The following ZNF613 variants were observed in gnomAD, a reference collection of about 807,000 sequenced individuals.
ZNF613 encodes the protein zinc finger protein 613.
A neutral mutation model predicts 14.3 loss-of-function variants in ZNF613; 8 were observed. The observed-to-expected ratio is 0.56, with a 90% CI of 0.33 to 1.01. The LOEUF is 1.01. Among genes scored for constraint, ZNF613 ranks in the 50% least tolerant of loss-of-function variants. ZNF613 has a pLI of 0.03. For synonymous variants in ZNF613, 228 were observed against 254.5 expected (o/e 0.90, Z 0.99); for missense variants, 656 against 741.9 (o/e 0.88, Z 1.35).
At position 51,945,476 on chromosome 19, in the gene ZNF613, G is replaced by C. The variant is rs750756007; in HGVS notation, c.1593G>C (p.Lys531Asn). Residue 531 changes from lysine to asparagine, a missense_variant, in exon 6 of 6, where the codon AAG (lysine) becomes AAC (asparagine). Transcript: ENST00000293471. ...FSHLSCLVYH[K>N]GMLHAREKCV... ...ACTTGTCATGCCTTGTTTATCATAAGGGAATGCTGCATGCAAGAGAGAAAT... is the reference window on the plus strand; with the variant it reads ...ACTTGTCATGCCTTGTTTATCATAACGGAATGCTGCATGCAAGAGAGAAAT... 6.2e-7 allele frequency: 1 copy of C among 1,614,192 alleles called. No homozygotes were observed. The highest frequency in any genetic ancestry group is 1.7e-5 in the Admixed American group (1 of 60,022).
At chr19:51,933,688 C>T (rs912535813) in intron 2 of ZNF613, among the ~76,000 whole-genome samples, 1 of 152,188 alleles carries the variant, frequency 6.6e-6, no homozygotes, top group Admixed American at 6.5e-5. Context: ...GAATGTTGGC[C>T]ACAATCTTTA....
intron 2 of ZNF613, among the ~76,000 whole-genome samples, chr19:51,933,581 T>C (rs1433204836): frequency 2.0e-5 from 3 of 152,066 alleles, no homozygotes; most frequent in African/African-American, 7.2e-5. Context: ...AGTGCTGGTA[T>C]TACAGGCATG....
Position 51,945,261 on chromosome 19 carries a change from G to A in ZNF613, c.1378G>A (p.Glu460Lys). Reference protein sequence around the residue: ...HTGKTPFVCTECGKSCSHKSG... With the variant: ...HTGKTPFVCTKCGKSCSHKSG... Reference sequence around the variant, plus strand: ...AGGAAAGACACCCTTTGTATGTACTGAGTGTGGAAAATCCTGCTCACACAA... The same window carrying A: ...AGGAAAGACACCCTTTGTATGTACTAAGTGTGGAAAATCCTGCTCACACAA... Residue 460 changes from glutamate to lysine, a missense_variant, in exon 6 of 6, where the codon GAG (glutamate) becomes AAG (lysine). By Grantham distance (56) the Glu-to-Lys change is moderately conservative (BLOSUM62 1). Coordinates refer to ENST00000293471, the MANE Select transcript of ZNF613 (RefSeq NM_001031721.4). 1.2e-6 allele frequency: 2 copies of A among 1,614,018 alleles called. No individual in the cohort carries two copies. The highest frequency in any genetic ancestry group is 1.7e-5 in the Admixed American group (1 of 60,016).
At chr19:51,940,068 C>T (rs1361383296) in intron 3 of ZNF613, 141 bp from the exon 4 acceptor site, 2 of 1,060,642 alleles carry the variant, frequency 1.9e-6, no homozygotes, top group African/African-American at 1.6e-5. Flanking sequence ...GCCTCTATGA[C>T]AATGTATTTT....
In ZNF613 at chr19:51,936,173, A is replaced by G. The variant is rs1015428422; in HGVS notation, c.-48A>G. The G allele has an allele frequency of 6.3e-7, 1 of 1,588,732 alleles. No individual in the cohort carries two copies. Among genetic ancestry groups the G allele is most frequent in the Admixed American group, 1.8e-5 (1 of 56,044 alleles). On this transcript the variant is annotated 5_prime_UTR_variant, in exon 3 of 6. Transcript: ENST00000293471. ...ATTGAGGGCAGCTCAAGGAGAGACT[A>G]CAGACACAGCATCCTACTTACTGGC...
chr19:51,941,264 G>A lies in ZNF613; in HGVS notation c.235+555G>A, dbSNP rs112252409. On this transcript the variant is annotated intron_variant, in intron 5 of 5. Transcript: ENST00000293471. ...TCTTTATTTAATCTAGGTTTGATTTGTTTTTCTCAAGGTTTCTTCCTTTTT... is the reference window on the plus strand; with the variant it reads ...TCTTTATTTAATCTAGGTTTGATTTATTTTTCTCAAGGTTTCTTCCTTTTT... Among the ~76,000 whole-genome samples the A allele has an allele frequency of 3.9e-3, 599 of 152,218 alleles. 5 individuals carry two copies. Among genetic ancestry groups the A allele is most frequent in the Middle Eastern group, 0.014 (4 of 294 alleles).
Position 51,940,457 on chromosome 19 carries a change from G to C in ZNF613, c.142+122G>C. The C allele has an allele frequency of 5.1e-6, 8 of 1,556,590 alleles. No individual in the cohort carries two copies. In the South Asian group the frequency reaches 8.1e-5, roughly 16 times the overall value. The stretch of plus-strand genomic sequence containing the variant: ...AGTGGTAGATTCTGTACCCTCTCTG[G>C]CCCCAGATAAAAGAGTGTAATGTGC... On this transcript the variant is annotated intron_variant, in intron 4 of 5. Coordinates refer to ENST00000293471, the MANE Select transcript of ZNF613 (RefSeq NM_001031721.4).
chr19:51,945,603 C>T lies in ZNF613; in HGVS notation c.1720C>T (p.Leu574=), dbSNP rs1484671003. Residue 574 remains leucine (L), a synonymous_variant, in exon 6 of 6, where the codon CTG becomes TTG. Transcript: ENST00000293471. The part of the protein sequence containing the change: ...QDKDSVNMVT[L]QMPSVAAQTS... Reference sequence around the variant, plus strand: ...TAAAGACTCTGTTAACATGGTGACTCTGCAGATGCCTTCTGTGGCAGCTCA... The same window carrying T: ...TAAAGACTCTGTTAACATGGTGACTTTGCAGATGCCTTCTGTGGCAGCTCA... 8.1e-6 allele frequency: 13 copies of T among 1,614,064 alleles called. No individual in the cohort carries two copies. The highest frequency in any genetic ancestry group is 1.1e-5 in the Non-Finnish European group (13 of 1,180,024).
Position 51,945,096 on chromosome 19 carries a change from T to A in ZNF613, c.1213T>A (p.Cys405Ser), listed in dbSNP as rs1278736585. The A allele has an allele frequency of 6.2e-7, 1 of 1,614,072 alleles. No homozygotes were observed. Among genetic ancestry groups the A allele is most frequent in the African/African-American group, 1.3e-5 (1 of 74,930 alleles). Residue 405 changes from cysteine (C) to serine (S), a missense_variant, in exon 6 of 6, where the codon TGT becomes AGT. Physicochemically the swap from Cys to Ser is moderately radical, Grantham distance 112. Transcript: ENST00000293471. ...AGAAAAACCCTATATATGCAATGAA[T>A]GTGGAAAAGGCTTCATCCAAAAGGG... ...TGEKPYICNE[C>S]GKGFIQKGNL...
rs2085374318 is a variant in ZNF613, at chr19:51,944,311, T to A, written c.428T>A (p.Val143Asp). The stretch of plus-strand genomic sequence containing the variant: ...ATACTGAAATCAAATTTAAGTTTAG[T>A]CAACCAGAACAAAAGGTATGAAATC... Reference protein sequence around the residue: ...GKILKSNLSLVNQNKRYEIKN... With the variant: ...GKILKSNLSLDNQNKRYEIKN... The change falls in exon 6 of 6, where the codon GTC becomes GAC. Residue 143 changes from valine to aspartate, a missense_variant. Coordinates refer to ENST00000293471, the MANE Select transcript of ZNF613 (RefSeq NM_001031721.4). 6.3e-7 allele frequency: 1 copy of A among 1,594,994 alleles called. No individual in the cohort carries two copies. Among genetic ancestry groups the A allele is most frequent in the African/African-American group, 1.3e-5 (1 of 74,490 alleles).
rs559132505 is a variant in ZNF613, at chr19:51,931,263, G to A, written c.-194+1367G>A. On this transcript the variant is annotated intron_variant, in intron 2 of 5. Transcript: ENST00000293471. ...GGTTCTAGTAATATCTCAAATGGAA[G>A]TATTCAATGCAAAGTGTTATTTCCA... Among the ~76,000 whole-genome samples, 12 of 152,282 alleles carry A rather than the reference G, an allele frequency of 7.9e-5. No individual in the cohort carries two copies. The South Asian group carries it at 2.5e-3, about 32-fold the overall frequency.
chr19:51,945,694 C>T lies in ZNF613; in HGVS notation c.1811C>T (p.Ala604Val), dbSNP rs1009319827. The T allele has an allele frequency of 3.1e-6, 5 of 1,613,974 alleles. No homozygotes were observed. In the African/African-American group the frequency reaches 4.0e-5, roughly 13 times the overall value. Residue 604 changes from alanine (A) to valine (V), a missense_variant, in exon 6 of 6, where the codon GCC (alanine) becomes GTC (valine). Physicochemically the swap from Ala to Val is moderately conservative, Grantham distance 64. Transcript: ENST00000293471. ...SKVAIVSQPV[A>V]RSSVSADSRI... ...GTAGCCATTGTGAGCCAGCCTGTTGCCAGAAGTTCAGTCTCAGCAGATAGT... is the reference window on the plus strand; with the variant it reads ...GTAGCCATTGTGAGCCAGCCTGTTGTCAGAAGTTCAGTCTCAGCAGATAGT...
In ZNF613 at chr19:51,946,030, G is replaced by A. The variant is rs2085398965; in HGVS notation, c.*293G>A. On this transcript the variant is annotated 3_prime_UTR_variant, in exon 6 of 6. Transcript: ENST00000293471. ...GTCCTTGTTCAGAAACAGTACGCCA[G>A]TAGGTATCAGGGGGTTTACACAGGA... is the stretch of plus-strand genomic sequence containing the variant. The A allele has an allele frequency of 2.7e-6, 1 of 375,526 alleles. No individual in the cohort carries two copies. Among genetic ancestry groups the A allele is most frequent in the Non-Finnish European group, 5.0e-6 (1 of 201,036 alleles). The allele number at this position is 375,526 out of a possible 1,614,324, so 23.3% of individuals were successfully genotyped here.
rs771469132 is a variant in ZNF613 at position 51,936,249 on chromosome 19, TG to T, written c.15+15del. Reference sequence around the variant, plus strand: ...ATCAAGTCCCAGGTGACTTTTTGTTTGTTTTAGTCTTTCCTTCATCACATGA... The same window carrying T: ...ATCAAGTCCCAGGTGACTTTTTGTTTTTTTAGTCTTTCCTTCATCACATGA... On this transcript the variant is annotated intron_variant, in intron 3 of 5. Coordinates refer to ENST00000293471, the MANE Select transcript of ZNF613 (RefSeq NM_001031721.4). 42 of 1,600,094 alleles carry T rather than the reference TG, an allele frequency of 2.6e-5. No individual in the cohort carries two copies. The highest frequency in any genetic ancestry group is 1.7e-4 in the Middle Eastern group (1 of 6,004).
intron 1 of ZNF613, chr19:51,928,099 C>A (rs965021191): frequency 6.6e-6 from 1 of 152,100 alleles, no homozygotes; most frequent in East Asian, 1.9e-4. Flanking sequence ...TCTAATCTAT[C>A]TGTTTATTGC....
chr19:51,933,652 G>A (rs1382849986), intron 2 of ZNF613, among the ~76,000 whole-genome samples: 1 of 152,044 alleles, frequency 6.6e-6, no homozygotes, highest in Non-Finnish European at 1.5e-5. Context: ...TTCCCTCCAG[G>A]GCCTGAATCC....
At chr19:51,943,748 T>C (rs540544252) in intron 5 of ZNF613, among the ~76,000 whole-genome samples, 26 of 151,824 alleles carry the variant, frequency 1.7e-4, no homozygotes, top group African/African-American at 6.3e-4. Context: ...TTGGAACATA[T>C]CGCCCATAGA....
At chr19:51,936,290 A>C (rs1196196314) in intron 3 of ZNF613, 55 bp downstream of exon 3, 5 of 1,558,448 alleles carry the variant, frequency 3.2e-6, no homozygotes. Context: ...TTTCTGGAAG[A>C]CTTTAAAAGT....
intron 2 of ZNF613, among the ~76,000 whole-genome samples, chr19:51,933,355 C>G (rs1166916819): frequency 6.6e-6 from 1 of 152,162 alleles, no homozygotes; most frequent in Non-Finnish European, 1.5e-5. Context: ...TGAGAAATGC[C>G]CATTACTTTT....
Sources: allele counts gnomAD v4.1 joint callset (sites outside exome capture counted in the v4.1 genomes callset), GRCh38; gene constraint gnomAD v4.1.1; transcripts MANE v1.5; gene names NCBI Gene and HGNC (gene_info 2026-07-23, HGNC 2026-07-21).